RP1L1: variants seen among roughly 807,000 people sequenced by gnomAD.
RP1L1 encodes RP1 like 1.
Under a neutral mutation model 15.7 loss-of-function variants are expected in RP1L1, and 27 were observed. That is an observed-to-expected ratio of 1.72 (90% CI 1.27 to 2.38). RP1L1 has a LOEUF of 2.38. RP1L1 is among the 30% of genes most tolerant of loss of function. RP1L1 has a pLI of 0.00. For missense variants in RP1L1, 4,798 were observed against 3,075.9 expected, an observed-to-expected ratio of 1.56 and a Z score of -13.24; for synonymous variants, 1,813 against 1,276.7, an observed-to-expected ratio of 1.42 and a Z score of -8.96.
rs1393579840 is a variant in RP1L1, at chr8:10,611,937, G to A, written c.2161C>T (p.Pro721Ser). ...GAAGGAAGAGAGCCCGAGGAGGGAG[G>A]TCTCAGGTTCCCAGAGGCCTGTGTC... Reference protein sequence around the residue: ...TRTQASGNLRPPSSGSLPSQD... With the variant: ...TRTQASGNLRSPSSGSLPSQD... The change falls in exon 4 of 4, where the codon CCT (proline) becomes TCT (serine). Residue 721 changes from proline to serine, a missense_variant. By Grantham distance (74) the Pro-to-Ser change is moderately conservative. Coordinates refer to ENST00000382483, the MANE Select transcript of RP1L1 (RefSeq NM_178857.6). 1 of 1,613,884 alleles carries A rather than the reference G, an allele frequency of 6.2e-7. No homozygotes were observed. The highest frequency in any genetic ancestry group is 2.2e-5 in the East Asian group (1 of 44,886).
Position 10,608,304 on chromosome 8 carries a change from C to A in RP1L1, c.5794G>T (p.Glu1932Ter). Residue 1932 changes from glutamate to a stop codon, truncating the protein, a stop_gained, in exon 4 of 4, where the codon GAG becomes TAG. Coordinates refer to ENST00000382483, the MANE Select transcript of RP1L1 (RefSeq NM_178857.6). LOFTEE classifies it low-confidence loss of function (END_TRUNC). ...GCCTCTGCACCTTCTGACTCTGGCT[C>A]GTCCTCCCCTTCAGTCTCCAGGGCC... ...VEALETEGED[E>*]PESEGAEAQE... is the part of the protein sequence containing the mutation. 6.2e-7 allele frequency: 1 copy of A among 1,605,022 alleles called. No individual in the cohort carries two copies. Among genetic ancestry groups the A allele is most frequent in the African/African-American group, 1.4e-5 (1 of 71,894 alleles).
rs1797964835 is a variant in RP1L1 at position 10,616,371 on chromosome 8, G to T, written c.751+75C>A. The T allele has an allele frequency of 3.1e-6, 5 of 1,594,188 alleles. No individual in the cohort carries two copies. In the Admixed American group the frequency reaches 6.7e-5, roughly 21 times the overall value. ...AAAGGGAAGTTTCCTGAATTACCTGGAAGGCTTTCCACTCAGCCCTACTGA... is the reference window on the plus strand; with the variant it reads ...AAAGGGAAGTTTCCTGAATTACCTGTAAGGCTTTCCACTCAGCCCTACTGA... On this transcript the variant is annotated intron_variant, in intron 3 of 3. Transcript: ENST00000382483.
chr8:10,652,843 T>G (rs1798582624), intron 1 of RP1L1, among the ~76,000 whole-genome samples: 1 of 152,162 alleles, frequency 6.6e-6, no homozygotes, highest in South Asian at 2.1e-4. Context: ...TTTGTAACTA[T>G]CACAGTGCCT....
Position 10,610,677 on chromosome 8 carries a change from A to G in RP1L1, c.3421T>C (p.Phe1141Leu), listed in dbSNP as rs1290120031. 16 of 1,612,080 alleles carry G rather than the reference A, an allele frequency of 9.9e-6. No homozygotes were observed. Among genetic ancestry groups the G allele is most frequent in the Non-Finnish European group, 1.4e-5 (16 of 1,179,250 alleles). ...TCCTGGTACCGAGGGGAGTCTTTGA[A>G]CCTCACTTTGCTGGCAGGAGACCCA... ...DLGSPASKVR[F>L]KDSPRYQELL... is the part of the protein sequence containing the mutation. Residue 1141 changes from phenylalanine (F) to leucine (L), a missense_variant, in exon 4 of 4, where the codon TTC becomes CTC. Phe to Leu is a conservative substitution (Grantham distance 22). Transcript: ENST00000382483.
chr8:10,608,799 C>G lies in RP1L1; in HGVS notation c.5299G>C (p.Ala1767Pro). ...TTCCCTTCTCTCTCCTGAGCCATTG[C>G]ATCTCCCTCTGCCTCCCCGAGTTTG... ...DPKLGEAEGD[A>P]MAQEREGKTH... Residue 1767 changes from alanine (A) to proline (P), a missense_variant, in exon 4 of 4, where the codon GCA becomes CCA. By Grantham distance (27) the Ala-to-Pro change is conservative. Coordinates refer to ENST00000382483, the MANE Select transcript of RP1L1 (RefSeq NM_178857.6). 1.9e-6 allele frequency: 3 copies of G among 1,614,210 alleles called. No homozygotes were observed. The highest frequency in any genetic ancestry group is 2.5e-6 in the Non-Finnish European group (3 of 1,180,046).
intron 1 of RP1L1, among the ~76,000 whole-genome samples, chr8:10,634,421 C>G (rs1009702872): frequency 1.3e-5 from 2 of 152,144 alleles, no homozygotes; most frequent in Admixed American, 6.5e-5. Context: ...AGGCTCCTCC[C>G]GGCATATGGA....
chr8:10,620,553 C>G (rs1488656972), intron 2 of RP1L1, among the ~76,000 whole-genome samples: 1 of 152,152 alleles, frequency 6.6e-6, no homozygotes, highest in African/African-American at 2.4e-5. Context: ...TTGCAGTGAG[C>G]CGAGATCGCG....
intron 1 of RP1L1, among the ~76,000 whole-genome samples, chr8:10,652,243 G>A (rs997732194): frequency 2.6e-5 from 4 of 152,168 alleles, no homozygotes; most frequent in Middle Eastern, 3.2e-3. Flanking sequence ...AGGGTTGAAG[G>A]AAATGATTTT....
Position 10,608,815 on chromosome 8 carries a change from C to T in RP1L1, c.5283G>A (p.Gly1761=). Residue 1761 remains glycine, a synonymous_variant, in exon 4 of 4, where the codon GGG becomes GGA. Transcript: ENST00000382483. ...GAGCCATTGCATCTCCCTCTGCCTCCCCGAGTTTGGGATCTTTGTCTCTGT... is the reference window on the plus strand; with the variant it reads ...GAGCCATTGCATCTCCCTCTGCCTCTCCGAGTTTGGGATCTTTGTCTCTGT... ...RLNRDKDPKL[G]EAEGDAMAQE... is the part of the protein sequence containing the mutation. 1 of 1,614,208 alleles carries T rather than the reference C, an allele frequency of 6.2e-7. No individual in the cohort carries two copies. Among genetic ancestry groups the T allele is most frequent in the South Asian group, 1.1e-5 (1 of 91,090 alleles).
chr8:10,632,412 A>G (rs994069717), intron 1 of RP1L1, among the ~76,000 whole-genome samples: 1 of 152,232 alleles, frequency 6.6e-6, no homozygotes, highest in African/African-American at 2.4e-5. Flanking sequence ...CTCATTGGTA[A>G]CAATCAGCTC....
At chr8:10,641,593 C>A (rs1011361558) in intron 1 of RP1L1, among the ~76,000 whole-genome samples, 5 of 152,206 alleles carry the variant, frequency 3.3e-5, no homozygotes, top group African/African-American at 7.2e-5. Flanking sequence ...GAGCTTTTAA[C>A]CTTTTTGCAT....
Position 10,611,754 on chromosome 8 carries a change from C to G in RP1L1, c.2344G>C (p.Asp782His), listed in dbSNP as rs756338534. The G allele has an allele frequency of 1.9e-6, 3 of 1,613,592 alleles. No homozygotes were observed. The highest frequency in any genetic ancestry group is 1.7e-5 in the Admixed American group (1 of 60,030). Reference sequence around the variant, plus strand: ...GCAGCCCCAGATTTTGAGCAGGAGTCGGATGTGTGGGGAGGTATGGGGGCC... The same window carrying G: ...GCAGCCCCAGATTTTGAGCAGGAGTGGGATGTGTGGGGAGGTATGGGGGCC... Reference protein sequence around the residue: ...SPAPIPPHTSDSCSKSGAASL... With the variant: ...SPAPIPPHTSHSCSKSGAASL... Residue 782 changes from aspartate to histidine, a missense_variant, in exon 4 of 4, where the codon GAC becomes CAC. By Grantham distance (81) the Asp-to-His change is moderately conservative. Coordinates refer to ENST00000382483, the MANE Select transcript of RP1L1 (RefSeq NM_178857.6).
At position 10,607,189 on chromosome 8, in the gene RP1L1, T is replaced by C; in HGVS notation, c.6909A>G (p.Ala2303=). The C allele has an allele frequency of 6.2e-7, 1 of 1,614,212 alleles. No homozygotes were observed. The highest frequency in any genetic ancestry group is 8.5e-7 in the Non-Finnish European group (1 of 1,180,026). Residue 2303 remains alanine, a synonymous_variant, in exon 4 of 4, where the codon GCA becomes GCG. Coordinates refer to ENST00000382483, the MANE Select transcript of RP1L1 (RefSeq NM_178857.6). ...GSQTGPSSSR[A]SSWGNCWQKD... ...TCTGCCAGCAGTTGCCCCAAGAGGA[T>C]GCTCTGGAGGAGGAAGGGCCTGTTT... is the stretch of plus-strand genomic sequence containing the variant.
In RP1L1 at chr8:10,612,429, C is replaced by T. The variant is rs1175132536; in HGVS notation, c.1669G>A (p.Gly557Ser). The part of the protein sequence containing the change: ...EWGGRPQGCP[G>S]KARAETSQQE... ...TGAGAGGTCTCGGCCCTTGCCTTGC[C>T]TGGACAGCCCTGGGGCCGCCCACCC... The change falls in exon 4 of 4, where the codon GGC becomes AGC. Residue 557 changes from glycine to serine, a missense_variant. Coordinates refer to ENST00000382483, the MANE Select transcript of RP1L1 (RefSeq NM_178857.6). 6.2e-7 allele frequency: 1 copy of T among 1,612,720 alleles called. No individual in the cohort carries two copies. The highest frequency in any genetic ancestry group is 1.1e-5 in the South Asian group (1 of 91,084).
chr8:10,613,358 T>G lies in RP1L1; in HGVS notation c.752-12A>C. 1 of 1,598,828 alleles carries G rather than the reference T, an allele frequency of 6.3e-7. No homozygotes were observed. The highest frequency in any genetic ancestry group is 8.5e-7 in the Non-Finnish European group (1 of 1,179,802). On this transcript the variant is annotated splice_polypyrimidine_tract_variant and intron_variant, in intron 3 of 3. Coordinates refer to ENST00000382483, the MANE Select transcript of RP1L1 (RefSeq NM_178857.6). ...TGGCCCCCAGCTCCCTGGCACGCAG[T>G]GAAGAGGAAAAGAAAAGAAGAAAAG...
Position 10,611,318 on chromosome 8 carries a change from G to C in RP1L1, c.2780C>G (p.Thr927Ser), listed in dbSNP as rs77230188. Reference protein sequence around the residue: ...AGSRGLSEEKTLRSGGGPQGQ... With the variant: ...AGSRGLSEEKSLRSGGGPQGQ... ...CTGGGGGCCTCCCCCACTCCTCAAGGTCTTCTCCTCGGACAGCCCCCGAGA... is the reference window on the plus strand; with the variant it reads ...CTGGGGGCCTCCCCCACTCCTCAAGCTCTTCTCCTCGGACAGCCCCCGAGA... The change falls in exon 4 of 4, where the codon ACC becomes AGC. Residue 927 changes from threonine (T) to serine (S), a missense_variant. Thr to Ser is a moderately conservative substitution (Grantham distance 58, BLOSUM62 1). Transcript: ENST00000382483. 2.5e-6 allele frequency: 4 copies of C among 1,612,812 alleles called. No individual in the cohort carries two copies. The highest frequency in any genetic ancestry group is 4.5e-5 in the East Asian group (2 of 44,860).
At chr8:10,615,024 A>C (rs1485972998) in intron 3 of RP1L1, among the ~76,000 whole-genome samples, 1 of 152,110 alleles carries the variant, frequency 6.6e-6, no homozygotes, top group Non-Finnish European at 1.5e-5. Flanking sequence ...AAAGAACCCC[A>C]GGTGCACATC....
intron 1 of RP1L1, among the ~76,000 whole-genome samples, chr8:10,646,497 G>T (rs532765175): frequency 6.6e-6 from 1 of 151,968 alleles, no homozygotes; most frequent in Non-Finnish European, 1.5e-5. Flanking sequence ...TGGAGCCAGA[G>T]AAAAGGTGAC....
Position 10,612,518 on chromosome 8 carries a change from C to T in RP1L1, c.1580G>A (p.Ser527Asn), listed in dbSNP as rs755897895. ...CGAGTCCGAAGAAGCCCCCTCCTCA[C>T]TCCGGGCCCTCGGTGTCAGGCGGCC... is the stretch of plus-strand genomic sequence containing the variant. ...QGGRLTPRAR[S>N]EEGASSDSSA... Residue 527 changes from serine (S) to asparagine (N), a missense_variant, in exon 4 of 4, where the codon AGT becomes AAT. By Grantham distance (46) the Ser-to-Asn change is conservative. Transcript: ENST00000382483. 15 of 1,611,656 alleles carry T rather than the reference C, an allele frequency of 9.3e-6. No homozygotes were observed. The highest frequency in any genetic ancestry group is 4.0e-5 in the African/African-American group (3 of 74,932).
Sources: allele counts gnomAD v4.1 joint callset (sites outside exome capture counted in the v4.1 genomes callset), GRCh38; gene constraint gnomAD v4.1.1; transcripts MANE v1.5; gene names NCBI Gene and HGNC (gene_info 2026-07-23, HGNC 2026-07-21).